OR3A2: variants seen among roughly 807,000 people sequenced by gnomAD.
The protein encoded by OR3A2 is olfactory receptor 3A2.
For synonymous variants in OR3A2, 126 were observed against 159.3 expected (o/e 0.79, Z 1.57); for missense variants, 318 against 392.8 (o/e 0.81, Z 1.61).
At chr17:3,297,045 G>A (rs1000633287) in intron 3 of OR3A2, among the ~76,000 whole-genome samples, 10 of 152,176 alleles carry the variant, frequency 6.6e-5, no homozygotes, top group African/African-American at 2.2e-4. Flanking sequence ...TTTCTACACA[G>A]GTTCATTTTA....
intron 2 of OR3A2, among the ~76,000 whole-genome samples, chr17:3,358,412 T>C (rs1351465585): frequency 6.6e-6 from 1 of 151,762 alleles, no homozygotes; most frequent in African/African-American, 2.4e-5. Context: ...TGTGGGCATT[T>C]AGTGCTATGA....
chr17:3,371,475 T>G (rs1392069941), intron 2 of OR3A2, among the ~76,000 whole-genome samples: 1 of 66,378 alleles, frequency 1.5e-5, no homozygotes, highest in Non-Finnish European at 2.9e-5. Context: ...GGGGGGCTGA[T>G]CCCCCCACCT....
At position 3,360,823 on chromosome 17, in the gene OR3A2, T is replaced by C. The variant is rs185904280; in HGVS notation, c.-179+22981A>G. On this transcript the variant is annotated intron_variant, in intron 2 of 4. Transcript: ENST00000573491. ...CCATGCTGTTTTGGTTACTGTAACC[T>C]TGTAGTATAGTTTGAAGTCAGATAG... 5.3e-5 allele frequency among the ~76,000 whole-genome samples: 8 copies of C among 151,856 alleles called. No homozygotes were observed. The East Asian group carries it at 1.5e-3, about 29-fold the overall frequency.
intron 3 of OR3A2, among the ~76,000 whole-genome samples, chr17:3,332,397 A>G (rs9911927): frequency 0.15 from 22,994 of 152,138 alleles, 2,316 homozygotes; most frequent in African/African-American, 0.28. Flanking sequence ...AGCCAGGTGC[A>G]GGATATAATC....
At chr17:3,339,495 T>A (rs1358521883) in intron 2 of OR3A2, among the ~76,000 whole-genome samples, 1 of 152,218 alleles carries the variant, frequency 6.6e-6, no homozygotes, top group Non-Finnish European at 1.5e-5. Flanking sequence ...GGATGTTGAA[T>A]TTTGTCAAAG....
At chr17:3,289,529 G>A (rs540256215) in intron 3 of OR3A2, among the ~76,000 whole-genome samples, 1 of 152,224 alleles carries the variant, frequency 6.6e-6, no homozygotes, top group Non-Finnish European at 1.5e-5. Context: ...CAGATCTTTG[G>A]AGATAAACAG....
chr17:3,342,612 G>A (rs1009971502), intron 2 of OR3A2, among the ~76,000 whole-genome samples: 1 of 152,184 alleles, frequency 6.6e-6, no homozygotes, highest in Admixed American at 6.5e-5. Context: ...GGCAAATATT[G>A]CAGAACAGCA....
At chr17:3,372,764 G>A (rs1196369150) in intron 2 of OR3A2, among the ~76,000 whole-genome samples, 3 of 151,862 alleles carry the variant, frequency 2.0e-5, no homozygotes, top group Non-Finnish European at 2.9e-5. Flanking sequence ...AGTGAGCCGA[G>A]ATGGCAGCAG....
chr17:3,304,383 T>C (rs966600929), intron 3 of OR3A2, among the ~76,000 whole-genome samples: 3 of 152,204 alleles, frequency 2.0e-5, no homozygotes, highest in Non-Finnish European at 2.9e-5. Context: ...GCCTGAACTC[T>C]GTCTCCTCAA....
chr17:3,373,795 A>C (rs1465477381), intron 2 of OR3A2, among the ~76,000 whole-genome samples: 1 of 152,144 alleles, frequency 6.6e-6, no homozygotes, highest in African/African-American at 2.4e-5. Flanking sequence ...TTTACATTCA[A>C]TGTTAATACT....
At chr17:3,316,754 G>A (rs576765095) in intron 3 of OR3A2, among the ~76,000 whole-genome samples, 3 of 152,260 alleles carry the variant, frequency 2.0e-5, no homozygotes, top group African/African-American at 7.2e-5. Context: ...CTCCTTCCCT[G>A]CATCCAGTTA....
chr17:3,282,980 G>C (rs980307929), intron 1 of OR3A2, among the ~76,000 whole-genome samples: 3 of 151,920 alleles, frequency 2.0e-5, no homozygotes, highest in African/African-American at 4.8e-5. Flanking sequence ...CATCTAAAAA[G>C]AATCTCTCTC....
At chr17:3,347,655 T>C (rs981680875) in intron 2 of OR3A2, among the ~76,000 whole-genome samples, 46 of 152,220 alleles carry the variant, frequency 3.0e-4, no homozygotes, top group African/African-American at 1.1e-3. Context: ...TGTTGGACAT[T>C]TGGGTTGGTT....
intron 2 of OR3A2, among the ~76,000 whole-genome samples, chr17:3,376,627 C>T (rs2049687149): frequency 6.6e-6 from 1 of 152,210 alleles, no homozygotes; most frequent in Non-Finnish European, 1.5e-5. Context: ...GCCAGTCTCA[C>T]TCCCATCATG....
Position 3,351,021 on chromosome 17 carries a change from G to A in OR3A2, c.-178-14895C>T, listed in dbSNP as rs1442030113. 8.4e-3 allele frequency among the ~76,000 whole-genome samples: 1,276 copies of A among 151,186 alleles called. 20 individuals are homozygous for A. Among genetic ancestry groups the A allele is most frequent in the African/African-American group, 0.029 (1,210 of 41,238 alleles). On this transcript the variant is annotated intron_variant, in intron 2 of 4. Coordinates refer to the OR3A2 transcript ENST00000573491. ...AAAACTCTCAATAAATTAGGTATTG[G>A]TGGGACGTATTTCAAAATAATAAGA...
chr17:3,302,081 A>G (rs925342377), intron 3 of OR3A2, among the ~76,000 whole-genome samples: 25 of 152,174 alleles, frequency 1.6e-4, no homozygotes, highest in Admixed American at 3.9e-4. Context: ...CCACTGCTCA[A>G]CGAAATAAAA....
chr17:3,319,316 T>C (rs1340499160), intron 3 of OR3A2, among the ~76,000 whole-genome samples: 2 of 150,882 alleles, frequency 1.3e-5, no homozygotes, highest in Non-Finnish European at 2.9e-5. Flanking sequence ...GGGCCACATA[T>C]ATCTCTCTTG....
intron 2 of OR3A2, among the ~76,000 whole-genome samples, chr17:3,373,830 A>C (rs1327175783): frequency 6.6e-6 from 1 of 152,138 alleles, no homozygotes; most frequent in East Asian, 1.9e-4. Flanking sequence ...TGTTCTGTTC[A>C]TCATGCTCAT....
chr17:3,332,291 C>T lies in OR3A2; in HGVS notation c.-85+3742G>A, dbSNP rs371440674. On this transcript the variant is annotated intron_variant, in intron 3 of 4. Coordinates refer to the OR3A2 transcript ENST00000573491. ...TTACCTAAGCAAGCCTGGGCAATGG[C>T]GGGCGCCCCTCCCCCAGCCTCGCTG... Among the ~76,000 whole-genome samples, 423 of 152,336 alleles carry T rather than the reference C, an allele frequency of 2.8e-3. 1 individual carries two copies. Among genetic ancestry groups the T allele is most frequent in the Middle Eastern group, 0.017 (5 of 294 alleles).
Sources: gnomAD v4.1 joint callset for allele counts (sites outside exome capture counted in the v4.1 genomes callset) on GRCh38, gnomAD v4.1.1 for gene constraint, MANE v1.5 for transcripts, NCBI Gene and HGNC (gene_info 2026-07-23, HGNC 2026-07-21) for gene names.